Variants in ZYG11A observed in about 807,000 individuals in gnomAD.
ZYG11A encodes the protein zyg-11 family member A, cell cycle regulator.
ZYG11A carries 62 observed loss-of-function variants against 77.2 expected under a neutral mutation model. The observed-to-expected ratio is 0.80, with a 90% confidence interval of 0.65 to 0.99. ZYG11A has a LOEUF of 0.99. ZYG11A is among the 50% of genes least tolerant of loss of function. The probability of loss-of-function intolerance (pLI) is 0.00; values close to 1 mark genes in which losing one functional copy is unlikely to be tolerated. For missense variants in ZYG11A, 828 were observed against 896.8 expected (o/e 0.92, Z 0.98); for synonymous variants, 315 against 324.6 (o/e 0.97, Z 0.32).
At chr1:52,867,696 A>G in intron 7 of ZYG11A, 31 bp from the exon 8 acceptor site, 1 of 1,551,200 alleles carries the variant, frequency 6.4e-7, no homozygotes, top group Non-Finnish European at 8.7e-7. Context: ...CAGGTTCCAT[A>G]GTTCACTTGA....
intron 13 of ZYG11A, among the ~76,000 whole-genome samples, chr1:52,891,465 C>G (rs566097907): frequency 6.6e-6 from 1 of 151,924 alleles, no homozygotes; most frequent in South Asian, 2.1e-4. Context: ...GTTTTGTATT[C>G]GCTTCTGTGA....
At chr1:52,871,605 T>G (rs978548393) in intron 8 of ZYG11A, among the ~76,000 whole-genome samples, 1 of 152,016 alleles carries the variant, frequency 6.6e-6, no homozygotes, top group Non-Finnish European at 1.5e-5. Context: ...CAAGCGTTTC[T>G]CCTGCCTCAG....
intron 3 of ZYG11A, among the ~76,000 whole-genome samples, chr1:52,858,814 A>G (rs890073822): frequency 3.3e-5 from 5 of 150,154 alleles, no homozygotes; most frequent in South Asian, 2.1e-4. Context: ...GAGTTTCACT[A>G]TGTTGGTCAG....
At chr1:52,847,554 G>A (rs1645614844) in intron 1 of ZYG11A, among the ~76,000 whole-genome samples, 1 of 151,132 alleles carries the variant, frequency 6.6e-6, no homozygotes, top group South Asian at 2.1e-4. Context: ...ATTTCTCATA[G>A]CATATGAGCT....
chr1:52,857,787 T>C (rs1196244138), intron 3 of ZYG11A, 38 bp downstream of exon 3: 2 of 1,484,982 alleles, frequency 1.3e-6, no homozygotes, highest in Admixed American at 5.0e-5. Context: ...TTCATTTGTT[T>C]AGAACATTAT....
intron 1 of ZYG11A, among the ~76,000 whole-genome samples, chr1:52,843,556 CG>C (rs1645496018): frequency 6.6e-6 from 1 of 151,892 alleles, no homozygotes; most frequent in Non-Finnish European, 1.5e-5. Flanking sequence ...TCCGCGCGTC[CG>C]CCCCCGTCCC....
At chr1:52,849,012 CTTA>C (rs1022775829) in intron 1 of ZYG11A, among the ~76,000 whole-genome samples, 4 of 152,044 alleles carry the variant, frequency 2.6e-5, no homozygotes, top group Non-Finnish European at 5.9e-5. Flanking sequence ...AGACGTTGTC[CTTA>C]TTATTTTTTG....
At chr1:52,858,376 T>A (rs2149996485) in intron 3 of ZYG11A, among the ~76,000 whole-genome samples, 1 of 145,618 alleles carries the variant, frequency 6.9e-6, no homozygotes, top group Non-Finnish European at 1.5e-5. Context: ...AAACGCAGTC[T>A]CAAAAAAAAA....
At chr1:52,860,704 C>T (rs1401658479) in intron 3 of ZYG11A, 27 bp from the exon 4 acceptor site, 4 of 1,548,700 alleles carry the variant, frequency 2.6e-6, no homozygotes, top group Non-Finnish European at 3.5e-6. Flanking sequence ...AATGGTGAAA[C>T]CTGTTTGGTA....
intron 13 of ZYG11A, among the ~76,000 whole-genome samples, chr1:52,890,935 G>T (rs1646533724): frequency 6.6e-6 from 1 of 151,608 alleles, no homozygotes; most frequent in African/African-American, 2.4e-5. Flanking sequence ...TTTCGCTCTT[G>T]TTGCCTAGGC....
At chr1:52,853,468 A>G (rs909317173) in intron 1 of ZYG11A, among the ~76,000 whole-genome samples, 1 of 152,150 alleles carries the variant, frequency 6.6e-6, no homozygotes, top group African/African-American at 2.4e-5. Context: ...CTCTGCTTGG[A>G]GTGTCCCAAA....
chr1:52,864,402 C>T (rs745749211), intron 5 of ZYG11A, among the ~76,000 whole-genome samples: 12 of 151,918 alleles, frequency 7.9e-5, no homozygotes, highest in Non-Finnish European at 1.5e-4. Context: ...TGCACCACGA[C>T]GCCCAGCTAA....
intron 3 of ZYG11A, 60 bp downstream of exon 3, chr1:52,857,809 T>C: frequency 7.0e-7 from 1 of 1,436,910 alleles, no homozygotes; most frequent in Admixed American, 2.8e-5. Flanking sequence ...AAACTCGTGC[T>C]ATAGACCAGA....
chr1:52,861,502 ACCATCCTGGC>A (rs1357095987), intron 4 of ZYG11A, among the ~76,000 whole-genome samples: 1 of 152,120 alleles, frequency 6.6e-6, no homozygotes, highest in East Asian at 1.9e-4. Flanking sequence ...AGAGATTGAG[ACCATCCTGGC>A]CAACATGGTG....
rs533688390 is a variant in ZYG11A, at chr1:52,854,210, T to C, written c.91-255T>C. Among the ~76,000 whole-genome samples, 3 of 152,302 alleles carry C rather than the reference T, an allele frequency of 2.0e-5. No homozygotes were observed. In the South Asian group the frequency reaches 6.2e-4, roughly 32 times the overall value. ...AGGAGACTTGAGCATCTGTGGATAC[T>C]GGTCAGAGAGTTCTGGAACCAATCT... On this transcript the variant is annotated intron_variant, in intron 1 of 13. Transcript: ENST00000371528.
At chr1:52,876,408 CTAGT>C (rs1446656895) in intron 8 of ZYG11A, among the ~76,000 whole-genome samples, 1 of 152,032 alleles carries the variant, frequency 6.6e-6, no homozygotes, top group Non-Finnish European at 1.5e-5. Flanking sequence ...GGTAACAGGA[CTAGT>C]TGAGATACAG....
chr1:52,877,136 C>T (rs1476620277), intron 8 of ZYG11A, among the ~76,000 whole-genome samples: 1 of 152,250 alleles, frequency 6.6e-6, no homozygotes, highest in Middle Eastern at 3.4e-3. Context: ...TCCCCCCAGC[C>T]CCGTTCCTGC....
intron 8 of ZYG11A, among the ~76,000 whole-genome samples, chr1:52,875,572 G>A (rs564274575): frequency 5.3e-5 from 8 of 152,110 alleles, no homozygotes; most frequent in Admixed American, 1.3e-4. Context: ...TGATGCAAAT[G>A]CAAGTAGGTT....
At chr1:52,890,249 G>GTTTTTTTT (rs908467307) in intron 13 of ZYG11A, among the ~76,000 whole-genome samples, 5 of 71,658 alleles carry the variant, frequency 7.0e-5, no homozygotes, top group Non-Finnish European at 1.2e-4. Flanking sequence ...TTTTCTTTTA[G>GTTTTTTTT]TTTTTTTTTT....
Sources: allele counts gnomAD v4.1 joint callset (sites outside exome capture counted in the v4.1 genomes callset), GRCh38; gene constraint gnomAD v4.1.1; transcripts MANE v1.5; gene names NCBI Gene and HGNC (gene_info 2026-07-23, HGNC 2026-07-21).